CAMTA1: variants seen among roughly 807,000 people sequenced by gnomAD.
CAMTA1 encodes the protein calmodulin binding transcription activator 1, also known as calmodulin-binding transcription activator 1.
Under a neutral mutation model 170.9 loss-of-function variants are expected in CAMTA1, and 27 were observed. The observed-to-expected ratio is 0.16, with a 90% CI of 0.12 to 0.22. The LOEUF (loss-of-function observed/expected upper bound fraction) is 0.22. Ranked by LOEUF, CAMTA1 falls within the 10% of genes least tolerant of loss-of-function variation. The pLI is 1.00. For synonymous variants in CAMTA1, 833 were observed against 891.5 expected, an observed-to-expected ratio of 0.93 and a Z score of 1.17; for missense variants, 1,619 against 2,217.2, an observed-to-expected ratio of 0.73 and a Z score of 5.42.
chr1:7,549,535 G>C (rs2094770459), intron 6 of CAMTA1, among the ~76,000 whole-genome samples: 1 of 152,158 alleles, frequency 6.6e-6, no homozygotes, highest in South Asian at 2.1e-4. Context: ...GGGGCATTCA[G>C]AAAGTCTACT....
At position 7,144,637 on chromosome 1, in the gene CAMTA1, A is replaced by G. The variant is rs1646080288; in HGVS notation, c.302+53266A>G. 6.6e-6 allele frequency among the ~76,000 whole-genome samples: 1 copy of G among 152,164 alleles called. No individual in the cohort carries two copies. The highest frequency in any genetic ancestry group is 1.5e-5 in the Non-Finnish European group (1 of 68,034). The stretch of plus-strand genomic sequence containing the variant: ...GAGACTTGTTTATACAGATATTAGG[A>G]CTTGCAATTGTCAGGTCACACCACT... On this transcript the variant is annotated intron_variant, in intron 4 of 22. Coordinates refer to ENST00000303635, the MANE Select transcript of CAMTA1 (RefSeq NM_015215.4). The surrounding 1 kb of genome is among the most constrained non-coding windows in gnomAD (Gnocchi z 4.0).
At chr1:7,679,886 G>C (rs966654070) in intron 11 of CAMTA1, among the ~76,000 whole-genome samples, 2 of 152,222 alleles carry the variant, frequency 1.3e-5, no homozygotes, top group Non-Finnish European at 2.9e-5. Context: ...CTTTGGTCTG[G>C]GCCAGTTGTC....
rs1411292391 is a variant in CAMTA1 at position 7,548,539 on chromosome 1, AGGTGCCCGTGCAG to A, written c.510+80646_510+80658del. ...GTGGAGGGTGCCCCCTTAGGGGTGGAGGTGCCCGTGCAGGGTGCCCCTTAGGGGTGGAGGTGCT... is the reference window on the plus strand; with the variant it reads ...GTGGAGGGTGCCCCCTTAGGGGTGGAGGTGCCCCTTAGGGGTGGAGGTGCT... On this transcript the variant is annotated intron_variant, in intron 6 of 22. Transcript: ENST00000303635. Among the ~76,000 whole-genome samples the A allele has an allele frequency of 2.1e-5, 3 of 144,294 alleles. No individual in the cohort carries two copies. The East Asian group carries it at 6.3e-4, about 30-fold the overall frequency. 94.7% of individuals were successfully genotyped at this position (144,294 alleles called of 152,430 possible). A position where few individuals can be genotyped will look rare whatever the true frequency, so the allele number is the denominator to read the frequency against.
intron 5 of CAMTA1, among the ~76,000 whole-genome samples, chr1:7,424,547 G>A (rs1009884310): frequency 6.6e-6 from 1 of 152,028 alleles, no homozygotes; most frequent in African/African-American, 2.4e-5. Flanking sequence ...GAGCAAACAG[G>A]GCAGCCACGT....
rs1396910534 is a variant in CAMTA1, at chr1:6,970,636, G to T, written c.235-120668G>T. On this transcript the variant is annotated intron_variant, in intron 3 of 22. Transcript: ENST00000303635. This position sits in a 1 kb window ranked among gnomAD's most constrained non-coding sequence, Gnocchi z 4.4. ...ATGTTGGGATGGGAGAGACAAGCAG[G>T]CAATAGTTAGGAATGTGATCGATGT... Among the ~76,000 whole-genome samples the T allele has an allele frequency of 1.3e-5, 2 of 152,130 alleles. No individual in the cohort carries two copies. The highest frequency in any genetic ancestry group is 2.4e-5 in the African/African-American group (1 of 41,428).
In CAMTA1 at chr1:7,534,681, G is replaced by A. The variant is rs902275889; in HGVS notation, c.510+66780G>A. Among the ~76,000 whole-genome samples, 1 of 152,184 alleles carries A rather than the reference G, an allele frequency of 6.6e-6. No individual in the cohort carries two copies. The highest frequency in any genetic ancestry group is 2.4e-5 in the African/African-American group (1 of 41,454). Reference sequence around the variant, plus strand: ...GCAGTGGACGTTCGGGCCGAGGGGAGCTGAGGCCACGGCGGGGACTCCTCA... The same window carrying A: ...GCAGTGGACGTTCGGGCCGAGGGGAACTGAGGCCACGGCGGGGACTCCTCA... On this transcript the variant is annotated intron_variant, in intron 6 of 22. Coordinates refer to ENST00000303635, the MANE Select transcript of CAMTA1 (RefSeq NM_015215.4). This position sits in a 1 kb window ranked among gnomAD's most constrained non-coding sequence, Gnocchi z 5.6.
At chr1:6,858,209 A>G (rs917636309) in intron 3 of CAMTA1, among the ~76,000 whole-genome samples, 1 of 152,124 alleles carries the variant, frequency 6.6e-6, no homozygotes, top group Non-Finnish European at 1.5e-5. Context: ...TTAACTGTTC[A>G]ATTGTATTTT....
At chr1:7,722,509 C>T (rs554906314) in intron 11 of CAMTA1, among the ~76,000 whole-genome samples, 18 of 152,118 alleles carry the variant, frequency 1.2e-4, no homozygotes, top group Non-Finnish European at 2.2e-4. Context: ...TCTTCTTGAT[C>T]GTTGTAATAC....
intron 5 of CAMTA1, among the ~76,000 whole-genome samples, chr1:7,317,776 A>G (rs1244503895): frequency 6.6e-6 from 1 of 152,238 alleles, no homozygotes. Flanking sequence ...AAGGGGCTAG[A>G]GGGCATAAGT....
intron 3 of CAMTA1, among the ~76,000 whole-genome samples, chr1:6,848,089 C>T (rs1354615254): frequency 6.6e-6 from 1 of 152,050 alleles, no homozygotes; most frequent in Non-Finnish European, 1.5e-5. Flanking sequence ...ACAGGTGATC[C>T]ACCCACCTCA....
At chr1:7,563,027 C>T (rs1043906036) in intron 6 of CAMTA1, among the ~76,000 whole-genome samples, 1 of 152,168 alleles carries the variant, frequency 6.6e-6, no homozygotes, top group Non-Finnish European at 1.5e-5. Flanking sequence ...ATTCTAGAGA[C>T]GACTCTCAAC....
chr1:7,587,162 G>T (rs1242577090), intron 6 of CAMTA1, among the ~76,000 whole-genome samples: 1 of 152,062 alleles, frequency 6.6e-6, no homozygotes, highest in Non-Finnish European at 1.5e-5. Context: ...AGAGGGAAGA[G>T]GCCTCTGTGG....
intron 5 of CAMTA1, among the ~76,000 whole-genome samples, chr1:7,437,965 TG>T (rs1400359500): frequency 6.6e-5 from 10 of 152,102 alleles, no homozygotes; most frequent in Admixed American, 2.0e-4. Context: ...TCATCTCAAG[TG>T]GGGATGAGAG....
At chr1:7,724,359 C>A (rs573424858) in intron 11 of CAMTA1, among the ~76,000 whole-genome samples, 1 of 152,254 alleles carries the variant, frequency 6.6e-6, no homozygotes, top group South Asian at 2.1e-4. Context: ...ACATAAGATA[C>A]CATGTTAGAG....
intron 4 of CAMTA1, among the ~76,000 whole-genome samples, chr1:7,186,400 A>T (rs967643025): frequency 2.6e-5 from 4 of 152,230 alleles, no homozygotes; most frequent in African/African-American, 9.6e-5. Context: ...GGACCTGGAC[A>T]TAGGAATTAC....
intron 6 of CAMTA1, among the ~76,000 whole-genome samples, chr1:7,553,627 T>C (rs1341603591): frequency 6.6e-6 from 1 of 152,166 alleles, no homozygotes; most frequent in Non-Finnish European, 1.5e-5. Context: ...GAGGCCCAGA[T>C]GGGGGTGCTG....
At position 7,569,014 on chromosome 1, in the gene CAMTA1, A is replaced by G. The variant is rs375678440; in HGVS notation, c.511-71386A>G. 5.7e-3 allele frequency among the ~76,000 whole-genome samples: 854 copies of G among 150,986 alleles called. 12 individuals carry two copies. The highest frequency in any genetic ancestry group is 0.053 in the South Asian group (249 of 4,726). ...CATCATCATGATCCCTATCACCATC[A>G]TCATATTATTACCATTACCATCATC... On this transcript the variant is annotated intron_variant, in intron 6 of 22. Transcript: ENST00000303635.
Position 7,663,546 on chromosome 1 carries a change from C to G in CAMTA1, c.999C>G (p.Pro333=), listed in dbSNP as rs759601915. 6.2e-7 allele frequency: 1 copy of G among 1,607,246 alleles called. No individual in the cohort carries two copies. The highest frequency in any genetic ancestry group is 8.5e-7 in the Non-Finnish European group (1 of 1,174,522). ...AGAGGAACGGCAAGGTGGCCAAGCC[C>G]GTGCTCCTGCACCAGAGCAGCACCG... ...REKRNGKVAK[P]VLLHQSSTEV... Residue 333 remains proline (P), a synonymous_variant, in exon 9 of 23, where the codon CCC becomes CCG. Transcript: ENST00000303635.
At chr1:7,468,374 G>A (rs1007622912) in intron 6 of CAMTA1, among the ~76,000 whole-genome samples, 4 of 152,222 alleles carry the variant, frequency 2.6e-5, no homozygotes, top group Admixed American at 6.5e-5. Flanking sequence ...CTCCGTAATC[G>A]ATTTGTGATG....
Sources: gnomAD v4.1 joint callset for allele counts (sites outside exome capture counted in the v4.1 genomes callset) on GRCh38, gnomAD v4.1.1 for gene constraint, Gnocchi (gnomAD v3.1) non-coding constraint, MANE v1.5 for transcripts, NCBI Gene and HGNC (gene_info 2026-07-23, HGNC 2026-07-21) for gene names.